KIF18A: variants seen among roughly 807,000 people sequenced by gnomAD.
KIF18A encodes the protein kinesin-like protein KIF18A.
In KIF18A, 67 loss-of-function variants were observed where a neutral mutation model predicts 103.3. The observed-to-expected ratio is 0.65, with a 90% CI of 0.53 to 0.79. The LOEUF (loss-of-function observed/expected upper bound fraction) is 0.79. Ranked by LOEUF, KIF18A falls within the 30% of genes least tolerant of loss-of-function variation. KIF18A has a pLI of 0.00. For synonymous variants in KIF18A, 367 were observed against 355.5 expected, an observed-to-expected ratio of 1.03 and a Z score of -0.36; for missense variants, 1,032 against 1,062.5, an observed-to-expected ratio of 0.97 and a Z score of 0.40.
In KIF18A at chr11:28,082,003, G is replaced by A. The variant is rs1165259073; in HGVS notation, c.1262+853C>T. Among the ~76,000 whole-genome samples the A allele has an allele frequency of 2.6e-5, 4 of 152,080 alleles. No individual in the cohort carries two copies. The East Asian group carries it at 7.7e-4, about 29-fold the overall frequency. ...AACTGCAGATGTGGTGGACATGAAA[G>A]AGAACTAGAATTAGAAGTGGAGCCT... On this transcript the variant is annotated intron_variant, in intron 9 of 16. Coordinates refer to ENST00000263181, the MANE Select transcript of KIF18A (RefSeq NM_031217.4).
At chr11:28,082,290 C>G (rs758967942) in intron 9 of KIF18A, among the ~76,000 whole-genome samples, 9 of 152,088 alleles carry the variant, frequency 5.9e-5, no homozygotes, top group Non-Finnish European at 1.2e-4. Context: ...GCATCACACA[C>G]TACAGATAAA....
intron 15 of KIF18A, among the ~76,000 whole-genome samples, chr11:28,029,464 T>G: frequency 6.6e-6 from 1 of 152,092 alleles, no homozygotes; most frequent in Non-Finnish European, 1.5e-5. Flanking sequence ...AAAAGGCCTT[T>G]GACAAAATTC....
rs778807608 is a variant in KIF18A at position 28,097,955 on chromosome 11, T to G, written c.-8A>C. 9.1e-6 allele frequency: 14 copies of G among 1,540,136 alleles called. No individual in the cohort carries two copies. The highest frequency in any genetic ancestry group is 1.2e-5 in the Non-Finnish European group (14 of 1,143,374). On this transcript the variant is annotated 5_prime_UTR_variant, in exon 2 of 17. Transcript: ENST00000263181. ...TTCCTCAGTGACAGACATTGTTGAT[T>G]ATCTTGATTCCTATCTGTATAAATA...
chr11:28,034,761 C>T (rs1220394779), intron 15 of KIF18A, among the ~76,000 whole-genome samples: 2 of 151,682 alleles, frequency 1.3e-5, no homozygotes, highest in Admixed American at 6.6e-5. Context: ...TTGGCAAATG[C>T]TAAATAAAAA....
intron 9 of KIF18A, 104 bp downstream of exon 9, chr11:28,082,752 C>T (rs747919828): frequency 3.1e-5 from 20 of 652,278 alleles, no homozygotes; most frequent in Non-Finnish European, 4.7e-5. Flanking sequence ...ACATACATAT[C>T]TATGTACATA....
At chr11:28,043,637 AT>A (rs540587655) in intron 13 of KIF18A, among the ~76,000 whole-genome samples, 9 of 151,652 alleles carry the variant, frequency 5.9e-5, no homozygotes, top group African/African-American at 1.5e-4. Context: ...ATATAAAAAA[AT>A]GTTCATTAAT....
At chr11:28,088,767 AAAATT>A (rs765664891) in intron 5 of KIF18A, 46 bp from the exon 6 acceptor site, 5 of 1,459,180 alleles carry the variant, frequency 3.4e-6, no homozygotes, top group Non-Finnish European at 4.7e-6. Flanking sequence ...AAGATTTAAC[AAAATT>A]AAAAGGGAAA....
chr11:28,092,716 C>T (rs919932459), intron 3 of KIF18A, among the ~76,000 whole-genome samples: 1 of 152,110 alleles, frequency 6.6e-6, no homozygotes, highest in Non-Finnish European at 1.5e-5. Flanking sequence ...TTATTTCCTT[C>T]TGTGTTCTAA....
chr11:28,054,159 C>T (rs1394925167), intron 13 of KIF18A, among the ~76,000 whole-genome samples: 1 of 151,450 alleles, frequency 6.6e-6, no homozygotes, highest in Non-Finnish European at 1.5e-5. Context: ...ATTTATTAAA[C>T]AACCCAAATG....
At chr11:28,083,368 C>G (rs1851189390) in intron 7 of KIF18A, 125 bp from the exon 8 acceptor site, 3 of 1,060,414 alleles carry the variant, frequency 2.8e-6, no homozygotes, top group African/African-American at 3.4e-5. Context: ...TAATTATGCT[C>G]ACATTTAAAA....
At chr11:28,064,330 T>C (rs771612608) in intron 11 of KIF18A, among the ~76,000 whole-genome samples, 1 of 151,992 alleles carries the variant, frequency 6.6e-6, no homozygotes, top group Non-Finnish European at 1.5e-5. Context: ...TTTATGGAGA[T>C]CAGTTTACTT....
At chr11:28,102,306 A>G (rs1851456117) in intron 1 of KIF18A, among the ~76,000 whole-genome samples, 1 of 152,182 alleles carries the variant, frequency 6.6e-6, no homozygotes, top group African/African-American at 2.4e-5. Context: ...TATCAATCCC[A>G]GGTCTTTAGA....
intron 15 of KIF18A, among the ~76,000 whole-genome samples, chr11:28,028,855 C>A (rs192105897): frequency 1.0e-3 from 158 of 152,016 alleles, no homozygotes; most frequent in African/African-American, 3.7e-3. Flanking sequence ...ATATCACCAC[C>A]GATCCCACAG....
At chr11:28,056,175 T>TG (rs1850778225) in intron 13 of KIF18A, among the ~76,000 whole-genome samples, 2 of 151,200 alleles carry the variant, frequency 1.3e-5, no homozygotes, top group South Asian at 2.1e-4. Flanking sequence ...TTTTTTTTTT[T>TG]GATTAGTTGG....
chr11:28,046,758 A>G (rs1372526396), intron 13 of KIF18A, among the ~76,000 whole-genome samples: 1 of 148,324 alleles, frequency 6.7e-6, no homozygotes, highest in Non-Finnish European at 1.5e-5. Flanking sequence ...AAAAAGAAAT[A>G]TTGTAAATAC....
At position 28,021,102 on chromosome 11, in the gene KIF18A, GTCT is replaced by G. The variant is rs1481168628; in HGVS notation, c.*95_*97del. On this transcript the variant is annotated 3_prime_UTR_variant, in exon 17 of 17. Transcript: ENST00000263181. ...TTGGGTAAACTTAGCTTTAAGATGG[GTCT>G]TCTTTCAAAGATTTTAAATATATTT... 71 of 1,163,554 alleles carry G rather than the reference GTCT, an allele frequency of 6.1e-5. No homozygotes were observed. The East Asian group carries it at 2.3e-3, about 38-fold the overall frequency. The allele number at this position is 1,163,554 out of a possible 1,614,324, so 72.1% of individuals were successfully genotyped here. A position where few individuals can be genotyped will look rare whatever the true frequency, so the allele number is the denominator to read the frequency against.
chr11:28,084,501 A>G, intron 7 of KIF18A, 131 bp downstream of exon 7: 1 of 582,862 alleles, frequency 1.7e-6, no homozygotes, highest in Admixed American at 3.5e-5. Context: ...GCAGGTTAGC[A>G]AAGACCCTTC....
At chr11:28,030,612 T>C (rs994668450) in intron 15 of KIF18A, among the ~76,000 whole-genome samples, 5 of 152,134 alleles carry the variant, frequency 3.3e-5, no homozygotes, top group Admixed American at 2.0e-4. Context: ...ATTCAGGACA[T>C]AGGCATGGGT....
At chr11:28,043,682 AAAC>A (rs1850592029) in intron 13 of KIF18A, among the ~76,000 whole-genome samples, 1 of 158 alleles carries the variant, frequency 6.3e-3, no homozygotes, top group Non-Finnish European at 0.015. Flanking sequence ...AATTTTGACA[AAAC>A]AAAAACAAAA....
Sources: gnomAD v4.1 joint callset for allele counts (sites outside exome capture counted in the v4.1 genomes callset) on GRCh38, gnomAD v4.1.1 for gene constraint, MANE v1.5 for transcripts, NCBI Gene and HGNC (gene_info 2026-07-23, HGNC 2026-07-21) for gene names.